The following ASCC3 variants were observed in gnomAD, a reference collection of about 807,000 sequenced individuals.
The protein encoded by ASCC3 is ASC-1 complex subunit P200.
Under a neutral mutation model 256.3 loss-of-function variants are expected in ASCC3, and 158 were observed. That is an observed-to-expected ratio of 0.62 (90% CI 0.54 to 0.70). The LOEUF is 0.70. ASCC3 is among the 30% of genes least tolerant of loss of function. The probability of loss-of-function intolerance (pLI) is 0.00; values close to 1 mark genes in which losing one functional copy is unlikely to be tolerated. For synonymous variants in ASCC3, 948 were observed against 883.4 expected (o/e 1.07, Z -1.30); for missense variants, 2,259 against 2,626.0 (o/e 0.86, Z 3.05).
In ASCC3 at chr6:100,848,323, G is replaced by T. The variant is rs1334020101; in HGVS notation, c.626C>A (p.Thr209Asn). 6.2e-7 allele frequency: 1 copy of T among 1,613,962 alleles called. No individual in the cohort carries two copies. Among genetic ancestry groups the T allele is most frequent in the East Asian group, 2.2e-5 (1 of 44,882 alleles). The change falls in exon 4 of 42, where the codon ACC (threonine) becomes AAC (asparagine). Residue 209 changes from threonine to asparagine, a missense_variant. Physicochemically the swap from Thr to Asn is moderately conservative, Grantham distance 65 (BLOSUM62 0). Around this residue, in one of 2 missense-constraint regions of ASCC3, gnomAD observed 420 missense variants for 419.3 expected, o/e 1.00. Coordinates refer to ENST00000369162, the MANE Select transcript of ASCC3 (RefSeq NM_006828.4). ...TTTTTCCACAGGCTTGAGTTCTGGG[G>T]TGCAAGCCTCCTGGAGATGTTCATT... ...FLNEHLQEAC[T>N]PELKPVEKTN...
intron 30 of ASCC3, among the ~76,000 whole-genome samples, chr6:100,609,884 TG>T (rs1337765429): frequency 1.3e-5 from 2 of 152,120 alleles, no homozygotes; most frequent in Non-Finnish European, 2.9e-5. Flanking sequence ...CATTCCAGCC[TG>T]GGCAACAGAG....
intron 36 of ASCC3, among the ~76,000 whole-genome samples, chr6:100,564,732 T>A (rs1770141417): frequency 6.6e-6 from 1 of 152,136 alleles, no homozygotes; most frequent in Non-Finnish European, 1.5e-5. Flanking sequence ...GTTGAAAGGC[T>A]ATGTTTAAAA....
At chr6:100,678,496 C>T (rs1777138167) in intron 14 of ASCC3, among the ~76,000 whole-genome samples, 1 of 151,942 alleles carries the variant, frequency 6.6e-6, no homozygotes, top group African/African-American at 2.4e-5. Context: ...ATCAGCTTAA[C>T]ATAGAATTTA....
At chr6:100,790,772 TTTTG>T (rs1179225657) in intron 8 of ASCC3, among the ~76,000 whole-genome samples, 1 of 151,980 alleles carries the variant, frequency 6.6e-6, no homozygotes, top group Non-Finnish European at 1.5e-5. Flanking sequence ...AAGAAAATTA[TTTTG>T]TTTGATTACT....
intron 13 of ASCC3, among the ~76,000 whole-genome samples, chr6:100,700,912 T>C (rs1205473645): frequency 6.6e-6 from 1 of 152,200 alleles, no homozygotes; most frequent in Non-Finnish European, 1.5e-5. Context: ...TGCGGGCTTT[T>C]GAGTTAATGC....
At chr6:100,572,715 G>A (rs1269959481) in intron 36 of ASCC3, among the ~76,000 whole-genome samples, 2 of 151,992 alleles carry the variant, frequency 1.3e-5, no homozygotes, top group East Asian at 3.9e-4. Context: ...AAAAATTTTT[G>A]TCCTAATCTG....
At chr6:100,841,222 A>G (rs868507718) in intron 4 of ASCC3, among the ~76,000 whole-genome samples, 47 of 152,298 alleles carry the variant, frequency 3.1e-4, no homozygotes, top group African/African-American at 1.1e-3. Flanking sequence ...AGATAGTAGT[A>G]AGGAACATCC....
intron 1 of ASCC3, among the ~76,000 whole-genome samples, chr6:100,874,704 C>T (rs143052312): frequency 2.0e-5 from 3 of 151,968 alleles, no homozygotes; most frequent in African/African-American, 7.2e-5. Flanking sequence ...CAATGATGAG[C>T]TTACAGTATG....
intron 36 of ASCC3, among the ~76,000 whole-genome samples, chr6:100,581,266 T>C (rs151066119): frequency 0.034 from 5,252 of 152,268 alleles, 267 homozygotes; most frequent in African/African-American, 0.12. Context: ...TTTTTAATGA[T>C]TGCCATTCTA....
At chr6:100,779,723 G>A (rs1180966145) in intron 8 of ASCC3, among the ~76,000 whole-genome samples, 2 of 152,072 alleles carry the variant, frequency 1.3e-5, no homozygotes, top group African/African-American at 2.4e-5. Flanking sequence ...GTAGGTTTAT[G>A]GATATGTTAA....
intron 4 of ASCC3, chr6:100,847,944 C>A: frequency 2.1e-6 from 1 of 485,762 alleles, no homozygotes; most frequent in Non-Finnish European, 3.6e-6. Context: ...TACTCCTCTG[C>A]TACACTCATT....
chr6:100,823,471 T>C (rs952964391), intron 4 of ASCC3, among the ~76,000 whole-genome samples: 2 of 152,200 alleles, frequency 1.3e-5, no homozygotes, highest in African/African-American at 2.4e-5. Context: ...AGTTTCACTA[T>C]TCTGGCAATA....
intron 17 of ASCC3, 61 bp downstream of exon 17, chr6:100,655,638 C>T (rs533530928): frequency 1.9e-6 from 3 of 1,554,356 alleles, no homozygotes; most frequent in Non-Finnish European, 2.6e-6. Context: ...TATCTATCCT[C>T]ATATCATGAA....
At chr6:100,667,891 G>C (rs1349903985) in intron 14 of ASCC3, among the ~76,000 whole-genome samples, 1 of 151,908 alleles carries the variant, frequency 6.6e-6, no homozygotes, top group Non-Finnish European at 1.5e-5. Flanking sequence ...AGAGAAATAA[G>C]GGAGACCAGT....
At chr6:100,580,160 T>C (rs112516117) in intron 36 of ASCC3, among the ~76,000 whole-genome samples, 7 of 152,162 alleles carry the variant, frequency 4.6e-5, no homozygotes, top group Non-Finnish European at 1.0e-4. Flanking sequence ...TTCTACTGAT[T>C]TGCGTACACT....
At chr6:100,603,083 T>A (rs1772707369) in intron 33 of ASCC3, among the ~76,000 whole-genome samples, 1 of 151,962 alleles carries the variant, frequency 6.6e-6, no homozygotes, top group African/African-American at 2.4e-5. Context: ...AACATTTACA[T>A]GTGAGAATAG....
At chr6:100,720,658 A>G (rs1033739098) in intron 11 of ASCC3, among the ~76,000 whole-genome samples, 1 of 151,742 alleles carries the variant, frequency 6.6e-6, no homozygotes, top group African/African-American at 2.4e-5. Context: ...CTTTAATATT[A>G]GTAGTCTTTA....
chr6:100,771,678 T>C (rs1410736780), intron 8 of ASCC3, among the ~76,000 whole-genome samples: 1 of 151,978 alleles, frequency 6.6e-6, no homozygotes, highest in African/African-American at 2.4e-5. Flanking sequence ...TCATTAGTCA[T>C]TAGGGAAATA....
rs577144437 is a variant in ASCC3, at chr6:100,545,409, C to T, written c.5551-5022G>A. Among the ~76,000 whole-genome samples the T allele has an allele frequency of 6.6e-5, 10 of 152,202 alleles. No individual in the cohort carries two copies. In the South Asian group the frequency reaches 2.1e-3, roughly 32 times the overall value. On this transcript the variant is annotated intron_variant, in intron 36 of 41. Transcript: ENST00000369162. ...GCTAGGATGGTCTCGATCTCTTGAC[C>T]TTGTGATCTGCATGCCTCGGCCTCC...
Sources: allele counts gnomAD v4.1 joint callset (sites outside exome capture counted in the v4.1 genomes callset), GRCh38; gene constraint gnomAD v4.1.1; regional missense constraint gnomAD v4.1.1; transcripts MANE v1.5; gene names NCBI Gene and HGNC (gene_info 2026-07-23, HGNC 2026-07-21).